The following CCDC170 variants were observed in gnomAD, a reference collection of about 807,000 sequenced individuals.
CCDC170 encodes coiled-coil domain containing 170, also known as coiled-coil domain-containing protein 170.
CCDC170 carries 69 observed loss-of-function variants against 72.6 expected under a neutral mutation model. The ratio of observed to expected loss-of-function variants is 0.95; its 90% CI spans 0.78 to 1.16. The LOEUF (loss-of-function observed/expected upper bound fraction) is 1.16. Ranked by LOEUF, CCDC170 falls within the 50% of genes most tolerant of loss-of-function variation. The probability of loss-of-function intolerance (pLI) is 0.00; values close to 1 mark genes in which losing one functional copy is unlikely to be tolerated. For synonymous variants in CCDC170, 300 were observed against 303.9 expected (o/e 0.99, Z 0.13); for missense variants, 852 against 832.5 (o/e 1.02, Z -0.29).
chr6:151,573,117 C>A, intron 5 of CCDC170, 57 bp from the exon 6 acceptor site: 1 of 1,471,136 alleles, frequency 6.8e-7, no homozygotes, highest in Non-Finnish European at 9.2e-7. Context: ...ATAGCAAATG[C>A]AGGTGTACCC....
At position 151,618,260 on chromosome 6, in the gene CCDC170, G is replaced by A; in HGVS notation, c.*113G>A. On this transcript the variant is annotated 3_prime_UTR_variant, in exon 11 of 11. Transcript: ENST00000239374. The stretch of plus-strand genomic sequence containing the variant: ...GTTTGTGAATATTTTATGCTTTGAT[G>A]ATATAGTGAGAATGCATCACTTGCA... 1.1e-6 allele frequency: 1 copy of A among 944,404 alleles called. No homozygotes were observed. Among genetic ancestry groups the A allele is most frequent in the Non-Finnish European group, 1.6e-6 (1 of 627,656 alleles). 58.5% of individuals were successfully genotyped at this position (944,404 alleles called of 1,614,324 possible). A position where few individuals can be genotyped will look rare whatever the true frequency, so the allele number is the denominator to read the frequency against.
intron 10 of CCDC170, among the ~76,000 whole-genome samples, chr6:151,616,474 CCTGCTTTGG>C: frequency 6.6e-6 from 1 of 151,506 alleles, no homozygotes; most frequent in Middle Eastern, 3.4e-3. Context: ...TTTTTTTTTC[CCTGCTTTGG>C]CTGCCTCTGT....
chr6:151,587,760 A>G (rs1417276743), intron 7 of CCDC170, among the ~76,000 whole-genome samples: 1 of 152,232 alleles, frequency 6.6e-6, no homozygotes, highest in Non-Finnish European at 1.5e-5. Flanking sequence ...CAATGGTGCA[A>G]TAGTGCAATT....
At chr6:151,500,312 C>G (rs564316163) in intron 1 of CCDC170, among the ~76,000 whole-genome samples, 9 of 150,502 alleles carry the variant, frequency 6.0e-5, no homozygotes, top group South Asian at 2.1e-4. Flanking sequence ...AAGTCAGAAG[C>G]CTTCTCTAGA....
At chr6:151,542,046 A>G (rs1782700250) in intron 3 of CCDC170, among the ~76,000 whole-genome samples, 1 of 151,228 alleles carries the variant, frequency 6.6e-6, no homozygotes, top group African/African-American at 2.4e-5. Flanking sequence ...CACCCAGCTA[A>G]TTTTTGTAGT....
intron 1 of CCDC170, among the ~76,000 whole-genome samples, chr6:151,524,227 A>C (rs1489712281): frequency 2.0e-5 from 3 of 152,220 alleles, no homozygotes; most frequent in Admixed American, 2.0e-4. Flanking sequence ...TGTCTGGGCA[A>C]GCCCCCCTGT....
intron 1 of CCDC170, among the ~76,000 whole-genome samples, chr6:151,533,329 C>T (rs549865165): frequency 2.0e-5 from 3 of 151,514 alleles, no homozygotes; most frequent in South Asian, 2.1e-4. Flanking sequence ...GCTGGGATTA[C>T]AGGTGTGAGC....
At chr6:151,565,069 C>T (rs567108136) in intron 5 of CCDC170, among the ~76,000 whole-genome samples, 3 of 152,196 alleles carry the variant, frequency 2.0e-5, no homozygotes, top group Admixed American at 2.0e-4. Context: ...TGTATATGTG[C>T]GATGGTGGCC....
chr6:151,616,931 C>T (rs543643309), intron 10 of CCDC170, among the ~76,000 whole-genome samples: 1 of 152,284 alleles, frequency 6.6e-6, no homozygotes, highest in South Asian at 2.1e-4. Flanking sequence ...CTCCTAATAG[C>T]TTCACATTGG....
chr6:151,531,969 A>T (rs1382832138), intron 1 of CCDC170, among the ~76,000 whole-genome samples: 1 of 152,192 alleles, frequency 6.6e-6, no homozygotes, highest in African/African-American at 2.4e-5. Context: ...ACAATTCAAG[A>T]TGATATTTGA....
rs577593644 is a variant in CCDC170, at chr6:151,536,329, T to A, written c.69T>A (p.Asp23Glu). 6.2e-7 allele frequency: 1 copy of A among 1,613,576 alleles called. No individual in the cohort carries two copies. Among genetic ancestry groups the A allele is most frequent in the Non-Finnish European group, 8.5e-7 (1 of 1,179,478 alleles). Reference sequence around the variant, plus strand: ...GGGAATTCTACCAGGAAACTTACGATCATCTTTCGGAAGTCCCGGTCACGC... The same window carrying A: ...GGGAATTCTACCAGGAAACTTACGAACATCTTTCGGAAGTCCCGGTCACGC... ...AASPAPEETYDHLSEVPVTRE... is the reference protein window; with the variant it reads ...AASPAPEETYEHLSEVPVTRE... The change falls in exon 2 of 11, where the codon GAT becomes GAA. Residue 23 changes from aspartate to glutamate, a missense_variant. Transcript: ENST00000239374.
chr6:151,588,320 A>C (rs1340549260), intron 7 of CCDC170, among the ~76,000 whole-genome samples: 1 of 151,760 alleles, frequency 6.6e-6, no homozygotes. Context: ...AACAAACAAC[A>C]ACAAAAACAC....
At chr6:151,589,938 C>T (rs898466574) in intron 7 of CCDC170, among the ~76,000 whole-genome samples, 4 of 152,136 alleles carry the variant, frequency 2.6e-5, no homozygotes, top group East Asian at 1.9e-4. Context: ...GCGGTGATTA[C>T]GGAGCCTAAA....
At chr6:151,495,251 C>G (rs1003658295) in intron 1 of CCDC170, among the ~76,000 whole-genome samples, 2 of 152,152 alleles carry the variant, frequency 1.3e-5, no homozygotes, top group African/African-American at 2.4e-5. Context: ...GCAAATAAAA[C>G]TATTTTTTCT....
chr6:151,548,791 C>G (rs746055237), intron 5 of CCDC170, among the ~76,000 whole-genome samples: 8 of 152,166 alleles, frequency 5.3e-5, no homozygotes, highest in South Asian at 2.1e-4. Context: ...ACGATCCTGA[C>G]TCACTGCAAC....
rs973266242 is a variant in CCDC170, at chr6:151,593,398, A to G, written c.1467+118A>G. On this transcript the variant is annotated intron_variant, in intron 8 of 10. Coordinates refer to ENST00000239374, the MANE Select transcript of CCDC170 (RefSeq NM_025059.4). Reference sequence around the variant, plus strand: ...TGTAGCTAGGAAGGCTCTTATAAAAATATGTATTTAGAATTGGAGGCTCAA... The same window carrying G: ...TGTAGCTAGGAAGGCTCTTATAAAAGTATGTATTTAGAATTGGAGGCTCAA... 4 of 1,065,134 alleles carry G rather than the reference A, an allele frequency of 3.8e-6. No individual in the cohort carries two copies. The Admixed American group carries it at 8.1e-5, about 22-fold the overall frequency. The allele number at this position is 1,065,134 out of a possible 1,614,324, so 66.0% of individuals were successfully genotyped here.
At chr6:151,499,796 A>C (rs1361480932) in intron 1 of CCDC170, among the ~76,000 whole-genome samples, 2 of 152,208 alleles carry the variant, frequency 1.3e-5, no homozygotes, top group African/African-American at 4.8e-5. Context: ...TTTAAGCTTG[A>C]AATATATTCC....
rs534579893 is a variant in CCDC170, at chr6:151,538,525, G to A, written c.443+224G>A. On this transcript the variant is annotated intron_variant, in intron 3 of 10. Transcript: ENST00000239374. ...CTTAACAAATACAGCCTTGTCTTAA[G>A]CATGTTTATAGCCTATCAATTAGGG... 3.3e-5 allele frequency among the ~76,000 whole-genome samples: 5 copies of A among 152,272 alleles called. No homozygotes were observed. The South Asian group carries it at 1.0e-3, about 32-fold the overall frequency.
Position 151,572,649 on chromosome 6 carries a change from G to GTTTTTTTTTTTTT in CCDC170, c.775-517_775-505dup, listed in dbSNP as rs1213267537. ...TTTATATTTTATATCCCTTCTCTGTGTTTTTTTTTTTTTTTTTTTTGATGG... is the reference window on the plus strand; with the variant it reads ...TTTATATTTTATATCCCTTCTCTGTGTTTTTTTTTTTTTTTTTTTTTTTTTTTTTTTTTGATGG... On this transcript the variant is annotated intron_variant, in intron 5 of 10. Coordinates refer to ENST00000239374, the MANE Select transcript of CCDC170 (RefSeq NM_025059.4). 3.0e-3 allele frequency among the ~76,000 whole-genome samples: 114 copies of GTTTTTTTTTTTTT among 37,890 alleles called. 1 individual carries two copies. The highest frequency in any genetic ancestry group is 5.5e-3 in the African/African-American group (45 of 8,124). The allele number at this position is 37,890 out of a possible 152,430, so 24.9% of individuals were successfully genotyped here. A position where few individuals can be genotyped will look rare whatever the true frequency, so the allele number is the denominator to read the frequency against.
Sources: allele counts gnomAD v4.1 joint callset (sites outside exome capture counted in the v4.1 genomes callset), GRCh38; gene constraint gnomAD v4.1.1; transcripts MANE v1.5; gene names NCBI Gene and HGNC (gene_info 2026-07-23, HGNC 2026-07-21).